Variants in TBC1D15 observed in about 807,000 individuals in gnomAD.
TBC1D15 encodes TBC1 domain family member 15, also known as GAP for RAB7.
TBC1D15 carries 39 observed loss-of-function variants against 95.4 expected under a neutral mutation model. That is an observed-to-expected ratio of 0.41 (90% confidence interval 0.32 to 0.53). The LOEUF (loss-of-function observed/expected upper bound fraction) is 0.53. Ranked by LOEUF, TBC1D15 falls within the 20% of genes least tolerant of loss-of-function variation. The pLI is 0.29. For missense variants in TBC1D15, 733 were observed against 794.3 expected, an observed-to-expected ratio of 0.92 and a Z score of 0.93; for synonymous variants, 258 against 261.3, an observed-to-expected ratio of 0.99 and a Z score of 0.12.
At chr12:71,856,426 T>C (rs1006622048) in intron 1 of TBC1D15, among the ~76,000 whole-genome samples, 2 of 152,212 alleles carry the variant, frequency 1.3e-5, no homozygotes, top group Non-Finnish European at 2.9e-5. Context: ...TTGTAGAATT[T>C]GGCTTCTTAT....
rs866237621 is a variant in TBC1D15, at chr12:71,848,097, C to T, written c.30+8286C>T. On this transcript the variant is annotated intron_variant, in intron 1 of 16. Transcript: ENST00000485960. ...GGGCAACAAGAGCGAAACTCTGTCT[C>T]GAAAAAATAATAAAACAAACAAATA... 4.6e-5 allele frequency among the ~76,000 whole-genome samples: 7 copies of T among 152,050 alleles called. No individual in the cohort carries two copies. In the South Asian group the frequency reaches 8.3e-4, roughly 18 times the overall value.
chr12:71,920,740 A>G lies in TBC1D15; in HGVS notation c.1609A>G (p.Thr537Ala), dbSNP rs1592840575. The G allele has an allele frequency of 6.2e-7, 1 of 1,611,518 alleles. No individual in the cohort carries two copies. The highest frequency in any genetic ancestry group is 8.5e-7 in the Non-Finnish European group (1 of 1,178,824). ...DILRLWEVMW[T>A]ELPCTNFHLL... ...CTTCTGCCTTCTATAGGTAATGTGG[A>G]CCGAACTACCATGTACAAATTTCCA... The change falls in exon 15 of 17, where the codon ACC (threonine) becomes GCC (alanine). Residue 537 changes from threonine to alanine, a missense_variant. By Grantham distance (58) the Thr-to-Ala change is moderately conservative. Coordinates refer to ENST00000485960, the MANE Select transcript of TBC1D15 (RefSeq NM_001146213.3).
At chr12:71,909,572 T>C (rs1028095473) in intron 11 of TBC1D15, among the ~76,000 whole-genome samples, 1 of 152,200 alleles carries the variant, frequency 6.6e-6, no homozygotes, top group African/African-American at 2.4e-5. Context: ...GTCTAATGTT[T>C]TTTAAGAATG....
rs1357350987 is a variant in TBC1D15 at position 71,874,656 on chromosome 12, T to A, written c.204+1653T>A. ...TTTTTTTTTTGAGACGGAGTCTTGC[T>A]CTGTCGCCCAGGCTGGAGTGCAGTG... On this transcript the variant is annotated intron_variant, in intron 3 of 16. Coordinates refer to ENST00000485960, the MANE Select transcript of TBC1D15 (RefSeq NM_001146213.3). Among the ~76,000 whole-genome samples, 12 of 147,668 alleles carry A rather than the reference T, an allele frequency of 8.1e-5. 1 individual carries two copies. Among genetic ancestry groups the A allele is most frequent in the African/African-American group, 2.5e-4 (10 of 39,580 alleles).
chr12:71,905,866 C>CT (rs1020883424), intron 10 of TBC1D15, among the ~76,000 whole-genome samples: 70 of 151,914 alleles, frequency 4.6e-4, no homozygotes, highest in African/African-American at 1.3e-3. Flanking sequence ...ATCTCCTTAT[C>CT]TTTTTTTTAA....
In TBC1D15 at chr12:71,923,692, G is replaced by T. The variant is rs1870260181; in HGVS notation, c.*488G>T. On this transcript the variant is annotated 3_prime_UTR_variant, in exon 17 of 17. Transcript: ENST00000485960. ...GACAGTACTCAGCTTAAATATTTATGCTGGTCAAATGTGATTTAAATTGGA... is the reference window on the plus strand; with the variant it reads ...GACAGTACTCAGCTTAAATATTTATTCTGGTCAAATGTGATTTAAATTGGA... 1 of 153,812 alleles carries T rather than the reference G, an allele frequency of 6.5e-6. No individual in the cohort carries two copies. The highest frequency in any genetic ancestry group is 2.4e-5 in the African/African-American group (1 of 41,428). The allele number at this position is 153,812 out of a possible 1,614,324, so 9.5% of individuals were successfully genotyped here.
intron 1 of TBC1D15, among the ~76,000 whole-genome samples, chr12:71,842,830 C>CA (rs58842371): frequency 0.029 from 2,446 of 84,382 alleles, 38 homozygotes; most frequent in Middle Eastern, 0.044. Context: ...GACCCTGTCT[C>CA]AAAAAAAAAA....
intron 8 of TBC1D15, 46 bp from the exon 9 acceptor site, chr12:71,896,631 T>C (rs1898239437): frequency 1.3e-6 from 2 of 1,513,628 alleles, no homozygotes; most frequent in Non-Finnish European, 1.8e-6. Context: ...ACTTACAGTA[T>C]TACATTCTTT....
intron 16 of TBC1D15, among the ~76,000 whole-genome samples, chr12:71,922,215 G>C (rs1033712748): frequency 2.0e-5 from 3 of 152,122 alleles, no homozygotes; most frequent in African/African-American, 7.2e-5. Context: ...TTCCCGAGTA[G>C]CTAGGATTAC....
chr12:71,884,785 T>C (rs1895901666), intron 4 of TBC1D15, 26 bp from the exon 5 acceptor site: 1 of 1,611,384 alleles, frequency 6.2e-7, no homozygotes, highest in Admixed American at 1.7e-5. Flanking sequence ...AACAAAAATA[T>C]TTTGCCCCAC....
At chr12:71,879,770 G>A (rs1023172302) in intron 3 of TBC1D15, among the ~76,000 whole-genome samples, 9 of 151,922 alleles carry the variant, frequency 5.9e-5, no homozygotes, top group Non-Finnish European at 1.0e-4. Context: ...TTTGATATTT[G>A]TCTATTTCTA....
chr12:71,898,110 A>G (rs1032567102), intron 10 of TBC1D15, among the ~76,000 whole-genome samples, 169 bp downstream of exon 10: 3 of 152,090 alleles, frequency 2.0e-5, no homozygotes, highest in African/African-American at 7.2e-5. Flanking sequence ...TCCTCTTCCA[A>G]TAGGCATATT....
intron 1 of TBC1D15, among the ~76,000 whole-genome samples, chr12:71,843,958 A>G (rs1456020270): frequency 1.3e-5 from 2 of 152,104 alleles, no homozygotes; most frequent in African/African-American, 4.8e-5. Flanking sequence ...GTCATTACTC[A>G]TTAACACATC....
chr12:71,920,659 C>A, intron 14 of TBC1D15, 72 bp from the exon 15 acceptor site: 1 of 1,172,636 alleles, frequency 8.5e-7, no homozygotes, highest in South Asian at 1.3e-5. Flanking sequence ...ATTCAGTGTT[C>A]AGAATTGTAT....
At chr12:71,858,310 G>T (rs967451389) in intron 1 of TBC1D15, among the ~76,000 whole-genome samples, 2 of 152,062 alleles carry the variant, frequency 1.3e-5, no homozygotes, top group African/African-American at 4.8e-5. Context: ...GACCTCAAGT[G>T]ATCTGCCCAC....
In TBC1D15 at chr12:71,894,692, A is replaced by G. The variant is rs778571188; in HGVS notation, c.664A>G (p.Lys222Glu). ...EPAYGLIQKI[K>E]KDPYTATMIG... Reference sequence around the variant, plus strand: ...TTTTCTTCCTACTGCATAGAAAATTAAAAAGGACCCTTATACGGCAACTAT... The same window carrying G: ...TTTTCTTCCTACTGCATAGAAAATTGAAAAGGACCCTTATACGGCAACTAT... The change falls in exon 7 of 17, where the codon AAA (lysine) becomes GAA (glutamate). Residue 222 changes from lysine (K) to glutamate (E), a missense_variant. By Grantham distance (56) the Lys-to-Glu change is moderately conservative. Transcript: ENST00000485960. The G allele has an allele frequency of 1.2e-6, 2 of 1,609,660 alleles. No individual in the cohort carries two copies. Among genetic ancestry groups the G allele is most frequent in the Non-Finnish European group, 1.7e-6 (2 of 1,178,296 alleles).
intron 4 of TBC1D15, 21 bp from the exon 5 acceptor site, chr12:71,884,790 C>T (rs1895903033): frequency 6.2e-7 from 1 of 1,612,022 alleles, no homozygotes; most frequent in Non-Finnish European, 8.5e-7. Context: ...AAATATTTTG[C>T]CCCACTTTCT....
intron 3 of TBC1D15, among the ~76,000 whole-genome samples, chr12:71,878,962 A>T (rs1592747694): frequency 6.6e-6 from 1 of 151,690 alleles, no homozygotes; most frequent in Admixed American, 6.6e-5. Flanking sequence ...TTACATCTTA[A>T]TTTTTCTTGT....
At chr12:71,882,336 C>G (rs1397330893) in intron 4 of TBC1D15, among the ~76,000 whole-genome samples, 1 of 152,126 alleles carries the variant, frequency 6.6e-6, no homozygotes, top group Non-Finnish European at 1.5e-5. Flanking sequence ...CAGACTGTCT[C>G]ATGTTTGTTC....
Sources: allele counts gnomAD v4.1 joint callset (sites outside exome capture counted in the v4.1 genomes callset), GRCh38; gene constraint gnomAD v4.1.1; transcripts MANE v1.5; gene names NCBI Gene and HGNC (gene_info 2026-07-23, HGNC 2026-07-21).